Variants in ATP6V1D observed in about 807,000 individuals in gnomAD.
ATP6V1D encodes the protein ATPase H+ transporting V1 subunit D, also known as V-type proton ATPase subunit D.
A neutral mutation model predicts 39.4 loss-of-function variants in ATP6V1D; 20 were observed. That is an observed-to-expected ratio of 0.51 (90% CI 0.36 to 0.74). ATP6V1D has a LOEUF of 0.74. ATP6V1D is among the 30% of genes least tolerant of loss of function. The pLI, the probability that ATP6V1D is intolerant of heterozygous loss-of-function variation, is 0.00. For missense variants in ATP6V1D, 228 were observed against 291.6 expected (o/e 0.78, Z 1.59); for synonymous variants, 100 against 100.5 (o/e 0.99, Z 0.03).
chr14:67,348,624 C>G (rs549320785), intron 4 of ATP6V1D, among the ~76,000 whole-genome samples: 2 of 151,554 alleles, frequency 1.3e-5, no homozygotes, highest in Non-Finnish European at 2.9e-5. Flanking sequence ...CGGGTTCAAG[C>G]GATTCTCCTG....
At position 67,338,246 on chromosome 14, in the gene ATP6V1D, G is replaced by T. The variant is rs141391450; in HGVS notation, c.*375C>A. 1.7e-3 allele frequency: 275 copies of T among 159,784 alleles called. No homozygotes were observed. Among genetic ancestry groups the T allele is most frequent in the Non-Finnish European group, 2.7e-3 (196 of 72,910 alleles). The allele number at this position is 159,784 out of a possible 1,614,324, so 9.9% of individuals were successfully genotyped here. On this transcript the variant is annotated 3_prime_UTR_variant, in exon 9 of 9. Coordinates refer to ENST00000216442, the MANE Select transcript of ATP6V1D (RefSeq NM_015994.4). ...AGCAATCTCAGACAACAGCGCCAAG[G>T]TTTGCAAGTGGGTAGGAATGAAAGC... is the stretch of plus-strand genomic sequence containing the variant.
At chr14:67,343,962 C>A (rs1381881059) in intron 6 of ATP6V1D, among the ~76,000 whole-genome samples, 1 of 152,180 alleles carries the variant, frequency 6.6e-6, no homozygotes, top group African/African-American at 2.4e-5. Context: ...TCCAAATTAA[C>A]CTGCCTGGGC....
chr14:67,351,032 G>A (rs1375765623), intron 2 of ATP6V1D, among the ~76,000 whole-genome samples: 3 of 152,094 alleles, frequency 2.0e-5, no homozygotes, highest in Non-Finnish European at 4.4e-5. Flanking sequence ...AACCCTAATG[G>A]TGTATTAATT....
At chr14:67,351,530 A>G (rs546683049) in intron 2 of ATP6V1D, among the ~76,000 whole-genome samples, 2 of 152,332 alleles carry the variant, frequency 1.3e-5, no homozygotes, top group East Asian at 3.9e-4. Context: ...ATTTTTTGAG[A>G]CAAGGTCTTA....
rs2085640245 is a variant in ATP6V1D, at chr14:67,348,977, T to C, written c.307+60A>G. On this transcript the variant is annotated intron_variant, in intron 4 of 8. Coordinates refer to ENST00000216442, the MANE Select transcript of ATP6V1D (RefSeq NM_015994.4). ...ATTAAGATCTTGCTGTATAAACAGG[T>C]TAATTTTAAAATGTCACCTCTTTTC... 2.6e-6 allele frequency: 4 copies of C among 1,513,862 alleles called. No individual in the cohort carries two copies. The Admixed American group carries it at 6.9e-5, about 26-fold the overall frequency. 93.8% of individuals were successfully genotyped at this position (1,513,862 alleles called of 1,614,324 possible).
intron 7 of ATP6V1D, among the ~76,000 whole-genome samples, chr14:67,342,053 T>G (rs918511440): frequency 1.1e-3 from 170 of 152,140 alleles, no homozygotes; most frequent in South Asian, 2.5e-3. Context: ...ACTGCGGAAG[T>G]CTGCAGGGTC....
chr14:67,348,312 C>T (rs986621008), intron 4 of ATP6V1D, among the ~76,000 whole-genome samples: 6 of 152,070 alleles, frequency 3.9e-5, no homozygotes, highest in Non-Finnish European at 7.4e-5. Flanking sequence ...TCAGGCGATC[C>T]GCCCACCTTG....
chr14:67,353,044 T>C lies in ATP6V1D; in HGVS notation c.42-4A>G. 2.5e-6 allele frequency: 4 copies of C among 1,596,876 alleles called. No homozygotes were observed. Among genetic ancestry groups the C allele is most frequent in the Non-Finnish European group, 3.4e-6 (4 of 1,172,146 alleles). On this transcript the variant is annotated splice_polypyrimidine_tract_variant and splice_region_variant and intron_variant, in intron 1 of 8. Transcript: ENST00000216442. Reference sequence around the variant, plus strand: ...AGCCTTCATGATGGTCTGTGCCCTATATAAACATAAACAAAGTTAAGACAT... The same window carrying C: ...AGCCTTCATGATGGTCTGTGCCCTACATAAACATAAACAAAGTTAAGACAT...
At position 67,338,037 on chromosome 14, in the gene ATP6V1D, T is replaced by C. The variant is rs2085553436; in HGVS notation, c.*584A>G. ...CACTACTGATCTGAGCATGAGAACA[T>C]GACTTAACAGTAAATTAATAAAAAC... On this transcript the variant is annotated 3_prime_UTR_variant, in exon 9 of 9. Transcript: ENST00000216442. 6.6e-6 allele frequency: 1 copy of C among 152,258 alleles called. No individual in the cohort carries two copies. Among genetic ancestry groups the C allele is most frequent in the Non-Finnish European group, 1.5e-5 (1 of 68,070 alleles). 9.4% of individuals were successfully genotyped at this position (152,258 alleles called of 1,614,324 possible). A position where few individuals can be genotyped will look rare whatever the true frequency, so the allele number is the denominator to read the frequency against.
Position 67,345,788 on chromosome 14 carries a change from C to A in ATP6V1D, c.436G>T (p.Val146Leu). The A allele has an allele frequency of 6.2e-7, 1 of 1,613,718 alleles. No individual in the cohort carries two copies. Among genetic ancestry groups the A allele is most frequent in the Non-Finnish European group, 8.5e-7 (1 of 1,179,670 alleles). ...CTTACCTGCAGAGAAGCTAGTTCCA[C>A]CAGTAGTTCCACTGCTTTGGCATAA... ...RNYAKAVELL[V>L]ELASLQTSFV... is the part of the protein sequence containing the mutation. Residue 146 changes from valine to leucine, a missense_variant, in exon 6 of 9, where the codon GTG becomes TTG. Val to Leu is a conservative substitution (Grantham distance 32). Coordinates refer to ENST00000216442, the MANE Select transcript of ATP6V1D (RefSeq NM_015994.4).
chr14:67,348,804 G>A (rs1216212242), intron 4 of ATP6V1D: 4 of 408,928 alleles, frequency 9.8e-6, no homozygotes, highest in African/African-American at 6.3e-5. Context: ...ACAGGCATGA[G>A]CCACCGTGCC....
intron 8 of ATP6V1D, 79 bp downstream of exon 8, chr14:67,340,361 A>G (rs1264708706): frequency 8.2e-7 from 1 of 1,225,392 alleles, no homozygotes; most frequent in Non-Finnish European, 1.2e-6. Context: ...AAGAACATAA[A>G]CCAACAAGTC....
At chr14:67,340,788 C>CGAG (rs1273256876) in intron 7 of ATP6V1D, among the ~76,000 whole-genome samples, 1 of 152,176 alleles carries the variant, frequency 6.6e-6, no homozygotes, top group South Asian at 2.1e-4. Context: ...ATTCTCCTGC[C>CGAG]TCAGCCTGCC....
At chr14:67,343,673 T>C (rs2085601746) in intron 6 of ATP6V1D, among the ~76,000 whole-genome samples, 1 of 152,244 alleles carries the variant, frequency 6.6e-6, no homozygotes, top group Non-Finnish European at 1.5e-5. Context: ...AAGACCAGCC[T>C]GGGCAACACA....
intron 1 of ATP6V1D, among the ~76,000 whole-genome samples, chr14:67,353,269 T>C (rs1389126460): frequency 6.6e-6 from 1 of 152,216 alleles, no homozygotes; most frequent in East Asian, 1.9e-4. Flanking sequence ...GGTGGGACCA[T>C]CAAGAGATGA....
intron 7 of ATP6V1D, among the ~76,000 whole-genome samples, chr14:67,340,830 C>T (rs376098374): frequency 2.0e-5 from 3 of 152,178 alleles, no homozygotes; most frequent in Non-Finnish European, 4.4e-5. Flanking sequence ...CGTGCCGCCA[C>T]GCCTGACTGG....
In ATP6V1D at chr14:67,350,465, T is replaced by G. The variant is rs917314943; in HGVS notation, c.239+146A>C. ...GTGGAAGATGACAGTGGAGTTAAGG[T>G]GATGGGGTTAAAAGAATTCTTTCTT... On this transcript the variant is annotated intron_variant, in intron 3 of 8. Coordinates refer to ENST00000216442, the MANE Select transcript of ATP6V1D (RefSeq NM_015994.4). 1.9e-5 allele frequency: 11 copies of G among 584,060 alleles called. No individual in the cohort carries two copies. The African/African-American group carries it at 2.1e-4, about 11-fold the overall frequency. 36.2% of individuals were successfully genotyped at this position (584,060 alleles called of 1,614,324 possible). A position where few individuals can be genotyped will look rare whatever the true frequency, so the allele number is the denominator to read the frequency against.
Position 67,345,147 on chromosome 14 carries a change from T to G in ATP6V1D, c.456+621A>C, listed in dbSNP as rs573050333. Among the ~76,000 whole-genome samples, 1,235 of 151,104 alleles carry G rather than the reference T, an allele frequency of 8.2e-3. 11 individuals are homozygous for G. Among genetic ancestry groups the G allele is most frequent in the Non-Finnish European group, 0.012 (835 of 67,764 alleles). On this transcript the variant is annotated intron_variant, in intron 6 of 8. Coordinates refer to ENST00000216442, the MANE Select transcript of ATP6V1D (RefSeq NM_015994.4). ...GTCCCAGCTACTCAGGAGGCTGAGG[T>G]GGGCGGATCACTTAAGCCCAGGAGG... is the stretch of plus-strand genomic sequence containing the variant.
intron 1 of ATP6V1D, among the ~76,000 whole-genome samples, chr14:67,355,032 G>A (rs770186027): frequency 1.3e-5 from 2 of 151,860 alleles, no homozygotes; most frequent in Non-Finnish European, 2.9e-5. Flanking sequence ...GGCTGGTCTC[G>A]AACTCCTGAC....
Sources: allele counts gnomAD v4.1 joint callset (sites outside exome capture counted in the v4.1 genomes callset), GRCh38; gene constraint gnomAD v4.1.1; transcripts MANE v1.5; gene names NCBI Gene and HGNC (gene_info 2026-07-23, HGNC 2026-07-21).